Variants in SGSH observed in about 807,000 individuals in gnomAD.
SGSH encodes N-sulfoglucosamine sulfohydrolase.
Under a neutral mutation model 51.0 loss-of-function variants are expected in SGSH, and 48 were observed. The ratio of observed to expected loss-of-function variants is 0.94; its 90% confidence interval spans 0.75 to 1.20. The LOEUF (loss-of-function observed/expected upper bound fraction) is 1.20, where lower values mean the gene tolerates loss of function less well. Among genes scored for constraint, SGSH ranks in the 50% most tolerant of loss-of-function variants. The probability of loss-of-function intolerance (pLI) is 0.00; values close to 1 mark genes in which losing one functional copy is unlikely to be tolerated. For missense variants in SGSH, 662 were observed against 717.8 expected (o/e 0.92, Z 0.89); for synonymous variants, 321 against 313.4 (o/e 1.02, Z -0.26).
downstream of SGSH, chr17:80,205,847 G>A (rs2041271074): frequency 2.0e-6 from 1 of 511,896 alleles, no homozygotes; most frequent in Admixed American, 3.6e-5. Flanking sequence ...CTGTGGGTGA[G>A]GTCTCCCAAC....
chr17:80,203,734 T>C, downstream of SGSH: 3 of 968,616 alleles, frequency 3.1e-6, no homozygotes, highest in Non-Finnish European at 4.7e-6. This position sits in a 1 kb window ranked among gnomAD's most constrained non-coding sequence, Gnocchi z 4.6. Flanking sequence ...CACCCGGCCA[T>C]CTCCCCCACT....
At chr17:80,216,994 T>G in intron 2 of SGSH, 38 bp downstream of exon 2, 1 of 1,521,098 alleles carries the variant, frequency 6.6e-7, no homozygotes, top group South Asian at 1.2e-5. Flanking sequence ...GCCTGTCTAC[T>G]CCCTGCCCAC....
downstream of SGSH, among the ~76,000 whole-genome samples, chr17:80,207,967 C>A (rs2041432484): frequency 6.6e-6 from 1 of 152,176 alleles, no homozygotes; most frequent in Non-Finnish European, 1.5e-5. Context: ...GTGTTCTAGA[C>A]AACCTGCCTC....
chr17:80,211,465 C>T (rs1352737953), intron 7 of SGSH: 4 of 294,536 alleles, frequency 1.4e-5, no homozygotes, highest in African/African-American at 2.2e-5. Flanking sequence ...GCAGGACACA[C>T]GAGCCTCTGC....
chr17:80,202,726 G>A, downstream of SGSH: 1 of 713,142 alleles, frequency 1.4e-6, no homozygotes, highest in Non-Finnish European at 2.0e-6. Flanking sequence ...GCCGTCCTGG[G>A]CACTGCAGGA....
intron 1 of SGSH, among the ~76,000 whole-genome samples, chr17:80,218,398 A>G (rs759956249): frequency 3.9e-5 from 6 of 152,182 alleles, no homozygotes; most frequent in Non-Finnish European, 7.4e-5. Context: ...AGGCCGCTGA[A>G]CTCCTACAAC....
chr17:80,204,839 C>T, downstream of SGSH: 1 of 550,858 alleles, frequency 1.8e-6, no homozygotes, highest in Non-Finnish European at 3.2e-6. Flanking sequence ...GCTGTGTAAC[C>T]CCCGTGCAAA....
At chr17:80,214,124 C>T (rs915561976) in intron 5 of SGSH, 48 bp downstream of exon 5, 23 of 1,570,626 alleles carry the variant, frequency 1.5e-5, no homozygotes, top group East Asian at 7.0e-5. Context: ...CCAGGGTCCC[C>T]GACCCAGGGC....
chr17:80,209,010 T>A (rs1285618589), downstream of SGSH: 1 of 152,362 alleles, frequency 6.6e-6, no homozygotes, highest in Non-Finnish European at 1.5e-5. Context: ...CTGTGCCTGT[T>A]CGGTGGGGGT....
chr17:80,215,693 C>CTA (rs2041865292), intron 2 of SGSH, among the ~76,000 whole-genome samples: 3 of 152,108 alleles, frequency 2.0e-5, no homozygotes, highest in Non-Finnish European at 4.4e-5. Context: ...GTGGCGGGCG[C>CTA]CTGTAGTCCC....
intron 4 of SGSH, 25 bp downstream of exon 4, chr17:80,214,590 A>T: frequency 6.2e-7 from 1 of 1,606,310 alleles, no homozygotes; most frequent in Non-Finnish European, 8.5e-7. Context: ...CGCCAGGGGG[A>T]AGGGGCAGGG....
chr17:80,202,574 ATGT>A (rs1054090690), downstream of SGSH: 9 of 1,438,126 alleles, frequency 6.3e-6, no homozygotes, highest in South Asian at 1.5e-5. Context: ...ACTGCTGAAG[ATGT>A]TGTTTCTTTG....
chr17:80,206,838 A>C (rs187674509), downstream of SGSH: 10,831 of 490,578 alleles, frequency 0.022, 178 homozygotes, highest in Admixed American at 0.065. Flanking sequence ...TCTCCTCTAC[A>C]AAATTCAGCT....
At chr17:80,202,655 C>G, downstream of SGSH, 2 of 1,359,336 alleles carry the variant, frequency 1.5e-6, no homozygotes, top group Non-Finnish European at 1.9e-6. Flanking sequence ...GGTTTCTTAG[C>G]TCTGGGTTTC....
At chr17:80,204,378 C>T, downstream of SGSH, 3 of 1,509,540 alleles carry the variant, frequency 2.0e-6, no homozygotes, top group South Asian at 3.7e-5. Flanking sequence ...GCCACTGGCT[C>T]CAAGTGGGTG....
intron 7 of SGSH, chr17:80,211,809 G>A (rs1477192599): frequency 1.8e-6 from 1 of 550,792 alleles, no homozygotes; most frequent in Non-Finnish European, 3.3e-6. Context: ...GGTAGGCGGG[G>A]AAAAGGCAAT....
Position 80,216,980 on chromosome 17 carries a change from C to A in SGSH, c.249+52G>T. The A allele has an allele frequency of 2.0e-6, 3 of 1,491,546 alleles. 1 individual carries two copies. In the South Asian group the frequency reaches 3.7e-5, roughly 18 times the overall value. The allele number at this position is 1,491,546 out of a possible 1,614,324, so 92.4% of individuals were successfully genotyped here. A position where few individuals can be genotyped will look rare whatever the true frequency, so the allele number is the denominator to read the frequency against. On this transcript the variant is annotated intron_variant, in intron 2 of 7. Transcript: ENST00000326317. Reference sequence around the variant, plus strand: ...ACGTGGCAGAGGCCTGGGCCCCGGACGCAGCCTGTCTACTCCCTGCCCACC... The same window carrying A: ...ACGTGGCAGAGGCCTGGGCCCCGGAAGCAGCCTGTCTACTCCCTGCCCACC...
chr17:80,220,041 C>T, intron 1 of SGSH, 185 bp downstream of exon 1: 1 of 509,332 alleles, frequency 2.0e-6, no homozygotes, highest in Non-Finnish European at 3.4e-6. Flanking sequence ...CTTTGCTGCC[C>T]TCTCTGGGGA....
At chr17:80,215,195 G>A (rs1240220425) in intron 2 of SGSH, 57 bp from the exon 3 acceptor site, 10 of 1,311,284 alleles carry the variant, frequency 7.6e-6, no homozygotes, top group South Asian at 7.2e-5. Flanking sequence ...CCCGCCTGCC[G>A]CACCTGTTCT....
Sources: allele counts gnomAD v4.1 joint callset (sites outside exome capture counted in the v4.1 genomes callset), GRCh38; gene constraint gnomAD v4.1.1; non-coding constraint Gnocchi (gnomAD v3.1); transcripts MANE v1.5; gene names NCBI Gene and HGNC (gene_info 2026-07-23, HGNC 2026-07-21).